The following SGCZ variants were observed in gnomAD, a reference collection of about 807,000 sequenced individuals.
SGCZ encodes sarcoglycan zeta, also known as zeta-sarcoglycan.
In SGCZ, 40 loss-of-function variants were observed where a neutral mutation model predicts 41.3. The observed-to-expected ratio is 0.97, with a 90% CI of 0.75 to 1.26. SGCZ has a LOEUF of 1.26. SGCZ is among the 50% of genes most tolerant of loss of function. SGCZ has a pLI of 0.00. For missense variants in SGCZ, 552 were observed against 369.8 expected (o/e 1.49, Z -4.04); for synonymous variants, 206 against 137.5 (o/e 1.50, Z -3.49).
chr8:14,681,539 T>G (rs920073828), intron 1 of SGCZ, among the ~76,000 whole-genome samples: 6 of 152,202 alleles, frequency 3.9e-5, no homozygotes, highest in African/African-American at 1.4e-4. Context: ...TGGATCATGT[T>G]GCTCGGACTT....
intron 4 of SGCZ, among the ~76,000 whole-genome samples, chr8:14,195,298 G>A (rs969209324): frequency 2.0e-5 from 3 of 152,080 alleles, no homozygotes; most frequent in African/African-American, 4.8e-5. Context: ...CGGAGAATAC[G>A]CTGAAAAGGG....
chr8:14,680,749 A>T lies in SGCZ; in HGVS notation c.40-125823T>A, dbSNP rs552440548. Among the ~76,000 whole-genome samples the T allele has an allele frequency of 2.7e-5, 4 of 150,940 alleles. No homozygotes were observed. The South Asian group carries it at 8.3e-4, about 31-fold the overall frequency. ...CTTATAAATATACTACATATATTCC[A>T]AAGCAGAAAAAGGCATGAGCCTGGT... is the stretch of plus-strand genomic sequence containing the variant. On this transcript the variant is annotated intron_variant, in intron 1 of 7. Coordinates refer to ENST00000382080, the MANE Select transcript of SGCZ (RefSeq NM_139167.4).
At chr8:14,334,251 T>G (rs1451046231) in intron 2 of SGCZ, among the ~76,000 whole-genome samples, 1 of 152,104 alleles carries the variant, frequency 6.6e-6, no homozygotes, top group East Asian at 1.9e-4. Context: ...CATCTTTAAT[T>G]TCCACCCTAA....
chr8:14,326,688 A>G (rs1802128339), intron 2 of SGCZ, among the ~76,000 whole-genome samples: 1 of 152,190 alleles, frequency 6.6e-6, no homozygotes, highest in African/African-American at 2.4e-5. Flanking sequence ...GGAATTAAAG[A>G]GTTATTCAGA....
intron 1 of SGCZ, among the ~76,000 whole-genome samples, chr8:15,000,471 T>A (rs897098264): frequency 9.9e-5 from 15 of 152,132 alleles, no homozygotes; most frequent in Admixed American, 3.3e-4. Flanking sequence ...GTCTAACAAG[T>A]TATTTTCTAA....
chr8:14,630,082 G>C (rs1806595488), intron 1 of SGCZ, among the ~76,000 whole-genome samples: 1 of 152,060 alleles, frequency 6.6e-6, no homozygotes, highest in South Asian at 2.1e-4. Context: ...CCATGAGGAA[G>C]GTTTTCCTTA....
At chr8:14,300,261 A>G (rs939120705) in intron 3 of SGCZ, among the ~76,000 whole-genome samples, 1 of 151,750 alleles carries the variant, frequency 6.6e-6, no homozygotes, top group Non-Finnish European at 1.5e-5. Context: ...GAAGGAAGGA[A>G]AAAAGAAGGA....
chr8:14,425,481 C>G (rs1034547220), intron 2 of SGCZ, among the ~76,000 whole-genome samples: 1 of 151,898 alleles, frequency 6.6e-6, no homozygotes, highest in Non-Finnish European at 1.5e-5. Flanking sequence ...ATTAGCTGGG[C>G]TTGGTGGCAG....
At chr8:14,143,063 T>A (rs1047323009) in intron 5 of SGCZ, among the ~76,000 whole-genome samples, 7 of 150,794 alleles carry the variant, frequency 4.6e-5, no homozygotes, top group Non-Finnish European at 1.0e-4. Context: ...AGAAAAATCA[T>A]ATGATTATAT....
At chr8:14,833,219 T>A (rs1408636008) in intron 1 of SGCZ, among the ~76,000 whole-genome samples, 2 of 152,104 alleles carry the variant, frequency 1.3e-5, no homozygotes, top group Non-Finnish European at 2.9e-5. Flanking sequence ...ACATTAATGA[T>A]CGTTAAACAC....
At chr8:14,174,406 G>A (rs1418836632) in intron 4 of SGCZ, among the ~76,000 whole-genome samples, 1 of 152,096 alleles carries the variant, frequency 6.6e-6, no homozygotes, top group Admixed American at 6.5e-5. Context: ...TTCAACAACT[G>A]TAGCTGAAAC....
chr8:14,386,482 C>G (rs1377578619), intron 2 of SGCZ, among the ~76,000 whole-genome samples: 2 of 152,160 alleles, frequency 1.3e-5, no homozygotes, highest in Non-Finnish European at 2.9e-5. Flanking sequence ...ACTGAACACA[C>G]ATAAAAATAT....
chr8:14,283,626 A>T (rs2116924517), intron 3 of SGCZ, among the ~76,000 whole-genome samples: 1 of 152,346 alleles, frequency 6.6e-6, no homozygotes, highest in Non-Finnish European at 1.5e-5. Context: ...ATTCTCTTAC[A>T]TAACCATGTT....
intron 7 of SGCZ, among the ~76,000 whole-genome samples, chr8:14,094,092 C>G (rs1040303780): frequency 6.6e-5 from 10 of 152,196 alleles, no homozygotes; most frequent in Admixed American, 4.6e-4. Flanking sequence ...TCTGTTTTCT[C>G]TTCCATATAC....
chr8:15,185,653 G>C (rs530160066), intron 1 of SGCZ, among the ~76,000 whole-genome samples: 1 of 152,192 alleles, frequency 6.6e-6, no homozygotes, highest in East Asian at 1.9e-4. Context: ...CATCCTCTTC[G>C]ATCACTGCCC....
At chr8:14,509,085 A>G (rs1221292154) in intron 2 of SGCZ, among the ~76,000 whole-genome samples, 1 of 152,146 alleles carries the variant, frequency 6.6e-6, no homozygotes, top group Non-Finnish European at 1.5e-5. Flanking sequence ...TAATAGAGAA[A>G]GATATAAGGC....
intron 1 of SGCZ, among the ~76,000 whole-genome samples, chr8:14,848,534 G>C (rs576482012): frequency 1.8e-4 from 28 of 152,308 alleles, no homozygotes; most frequent in African/African-American, 6.5e-4. Context: ...AGAATAGACA[G>C]ATTAGATATA....
chr8:14,646,120 G>A (rs765359184), intron 1 of SGCZ, among the ~76,000 whole-genome samples: 2 of 151,712 alleles, frequency 1.3e-5, no homozygotes, highest in African/African-American at 2.4e-5. Context: ...TGGTTATACC[G>A]CATGATGCTG....
rs112448888 is a variant in SGCZ at position 15,002,325 on chromosome 8, G to C, written c.39+235260C>G. Among the ~76,000 whole-genome samples the C allele has an allele frequency of 3.7e-4, 57 of 152,202 alleles. 2 individuals carry two copies. The highest frequency in any genetic ancestry group is 1.3e-3 in the African/African-American group (55 of 41,508). On this transcript the variant is annotated intron_variant, in intron 1 of 7. Coordinates refer to ENST00000382080, the MANE Select transcript of SGCZ (RefSeq NM_139167.4). ...ATTAATACTTTAAAAAGATAGTAAGGAAATGTATAGAATACAGATTGCACG... is the reference window on the plus strand; with the variant it reads ...ATTAATACTTTAAAAAGATAGTAAGCAAATGTATAGAATACAGATTGCACG...
Sources: allele counts gnomAD v4.1 joint callset (sites outside exome capture counted in the v4.1 genomes callset), GRCh38; gene constraint gnomAD v4.1.1; transcripts MANE v1.5; gene names NCBI Gene and HGNC (gene_info 2026-07-23, HGNC 2026-07-21).